Variants in LDLRAD4 observed in about 807,000 individuals in gnomAD.
LDLRAD4 encodes the protein low-density lipoprotein receptor class A domain-containing protein 4.
Under a neutral mutation model 17.0 loss-of-function variants are expected in LDLRAD4, and 5 were observed. That is an observed-to-expected ratio of 0.29 (90% CI 0.15 to 0.62). The LOEUF is 0.62. LDLRAD4 is among the 20% of genes least tolerant of loss of function. The pLI, the probability that LDLRAD4 is intolerant of heterozygous loss-of-function variation, is 0.84. For missense variants in LDLRAD4, 340 were observed against 424.7 expected, an observed-to-expected ratio of 0.80 and a Z score of 1.75; for synonymous variants, 168 against 171.8, an observed-to-expected ratio of 0.98 and a Z score of 0.17.
chr18:13,463,665 G>A (rs2092517295), intron 3 of LDLRAD4, among the ~76,000 whole-genome samples: 3 of 152,022 alleles, frequency 2.0e-5, no homozygotes. Flanking sequence ...CAGGTGACAG[G>A]GCAGTCACCC....
At chr18:13,552,094 T>G (rs1363543887) in intron 3 of LDLRAD4, among the ~76,000 whole-genome samples, 1 of 152,100 alleles carries the variant, frequency 6.6e-6, no homozygotes, top group East Asian at 1.9e-4. Context: ...AGGCCCCACT[T>G]CCAACACAGA....
chr18:13,486,673 T>G (rs1281994326), intron 3 of LDLRAD4: 1 of 152,246 alleles, frequency 6.6e-6, no homozygotes, highest in Non-Finnish European at 1.5e-5. Context: ...GTTGACTTGA[T>G]ATATACATTC....
rs185845091 is a variant in LDLRAD4, at chr18:13,347,792, C to A, written c.-382-39549C>A. ...ATTTCTTTTTATTCTTTTTTCTCTACACTTCTCTTCTTGCTTCATTTCATT... is the reference window on the plus strand; with the variant it reads ...ATTTCTTTTTATTCTTTTTTCTCTAAACTTCTCTTCTTGCTTCATTTCATT... On this transcript the variant is annotated intron_variant, in intron 1 of 5. Transcript: ENST00000359446. Among the ~76,000 whole-genome samples the A allele has an allele frequency of 2.4e-4, 37 of 152,184 alleles. 2 individuals are homozygous for A. The South Asian group carries it at 3.5e-3, about 15-fold the overall frequency.
chr18:13,298,261 G>T (rs1386168467), intron 1 of LDLRAD4, among the ~76,000 whole-genome samples: 4 of 152,264 alleles, frequency 2.6e-5, no homozygotes, highest in African/African-American at 9.6e-5. Flanking sequence ...CTGGAGGCCT[G>T]CCTGGAGCTT....
chr18:13,446,973 G>A (rs1052357330), intron 3 of LDLRAD4, among the ~76,000 whole-genome samples: 1 of 152,172 alleles, frequency 6.6e-6, no homozygotes, highest in African/African-American at 2.4e-5. Context: ...TGGGTCAGGG[G>A]TCTTCCAGGT....
chr18:13,545,746 C>G (rs115259294), intron 3 of LDLRAD4, among the ~76,000 whole-genome samples: 182 of 152,266 alleles, frequency 1.2e-3, no homozygotes, highest in African/African-American at 3.9e-3. Context: ...TTTATGACAC[C>G]AAGCATACTC....
At chr18:13,376,927 T>C (rs1332508999) in intron 1 of LDLRAD4, among the ~76,000 whole-genome samples, 1 of 152,254 alleles carries the variant, frequency 6.6e-6, no homozygotes, top group Non-Finnish European at 1.5e-5. Flanking sequence ...GTGGGGTTTG[T>C]GGCCCCATTA....
intron 1 of LDLRAD4, among the ~76,000 whole-genome samples, 160 bp from the exon 3 acceptor site, chr18:13,387,181 G>C (rs554125439): frequency 6.6e-6 from 1 of 152,176 alleles, no homozygotes; most frequent in African/African-American, 2.4e-5. Context: ...GGCCTTGGGG[G>C]CAGGTGGATC....
At chr18:13,313,066 T>G (rs7242230) in intron 1 of LDLRAD4, among the ~76,000 whole-genome samples, 55,602 of 152,030 alleles carry the variant, frequency 0.37, 10,944 homozygotes, top group African/African-American at 0.51. Context: ...GCTGTGTGGC[T>G]TGATGTTTGT....
At chr18:13,604,932 T>C (rs1601659600) in intron 3 of LDLRAD4, among the ~76,000 whole-genome samples, 1 of 152,022 alleles carries the variant, frequency 6.6e-6, no homozygotes, top group African/African-American at 2.4e-5. Flanking sequence ...CAGGAGTAGG[T>C]GCTGCTTCCA....
At chr18:13,623,017 C>G (rs1053321381) in intron 4 of LDLRAD4, among the ~76,000 whole-genome samples, 1 of 152,196 alleles carries the variant, frequency 6.6e-6, no homozygotes, top group Non-Finnish European at 1.5e-5. Flanking sequence ...TCAGGCAGCT[C>G]CTTGCTCTGT....
intron 1 of LDLRAD4, among the ~76,000 whole-genome samples, chr18:13,378,757 T>G (rs2085120623): frequency 6.6e-6 from 1 of 152,234 alleles, no homozygotes; most frequent in Non-Finnish European, 1.5e-5. Context: ...TTTGTATCCT[T>G]TCTCCTGTTT....
rs546538200 is a variant in LDLRAD4 at position 13,621,691 on chromosome 18, C to T, written c.336+420C>T. ...GGAGGTGCTGCGGGGACAAATCACG[C>T]GCTCATCGTCACTAAACGTGCCGGC... On this transcript the variant is annotated intron_variant, in intron 4 of 5. Coordinates refer to ENST00000359446, the Ensembl canonical transcript of LDLRAD4. This position sits in a 1 kb window ranked among gnomAD's most constrained non-coding sequence, Gnocchi z 5.5. 3.9e-5 allele frequency among the ~76,000 whole-genome samples: 6 copies of T among 152,298 alleles called. No individual in the cohort carries two copies. The South Asian group carries it at 6.2e-4, about 16-fold the overall frequency.
At chr18:13,231,417 C>A (rs911520483) in intron 1 of LDLRAD4, among the ~76,000 whole-genome samples, 1 of 152,132 alleles carries the variant, frequency 6.6e-6, no homozygotes, top group Non-Finnish European at 1.5e-5. Context: ...CTCCTGATTG[C>A]GGCCTGCCCG....
intron 3 of LDLRAD4, chr18:13,514,826 G>A (rs2093838574): frequency 6.6e-6 from 1 of 152,214 alleles, no homozygotes; most frequent in African/African-American, 2.4e-5. Context: ...ACATCCTGGT[G>A]CACAGGTGAG....
chr18:13,572,195 C>T (rs963055747), intron 3 of LDLRAD4, among the ~76,000 whole-genome samples: 1 of 152,226 alleles, frequency 6.6e-6, no homozygotes, highest in African/African-American at 2.4e-5. Flanking sequence ...TATCGGCAGC[C>T]TTAAGTGAGC....
At position 13,398,918 on chromosome 18, in the gene LDLRAD4, T is replaced by C. The variant is rs1186975165; in HGVS notation, c.40+11156T>C. Among the ~76,000 whole-genome samples, 1 of 152,124 alleles carries C rather than the reference T, an allele frequency of 6.6e-6. No individual in the cohort carries two copies. Among genetic ancestry groups the C allele is most frequent in the East Asian group, 1.9e-4 (1 of 5,186 alleles). The stretch of plus-strand genomic sequence containing the variant: ...CATGGAGTATGCTCGTGCGCAGAGA[T>C]GCAGCCACCCAGATCTTCATCTTTG... On this transcript the variant is annotated intron_variant, in intron 2 of 5. Transcript: ENST00000359446. This position sits in a 1 kb window ranked among gnomAD's most constrained non-coding sequence, Gnocchi z 4.8.
rs1599826190 is a variant in LDLRAD4 at position 13,383,901 on chromosome 18, A to G, written c.-382-3440A>G. 2.6e-5 allele frequency among the ~76,000 whole-genome samples: 4 copies of G among 152,202 alleles called. No individual in the cohort carries two copies. The South Asian group carries it at 8.3e-4, about 32-fold the overall frequency. On this transcript the variant is annotated intron_variant, in intron 1 of 5. Transcript: ENST00000359446. ...GCTAATCTTTGTTGCTAGCAGTGAGAAAGAAGACTTTTTACAGCATTTATA... is the reference window on the plus strand; with the variant it reads ...GCTAATCTTTGTTGCTAGCAGTGAGGAAGAAGACTTTTTACAGCATTTATA...
intron 1 of LDLRAD4, among the ~76,000 whole-genome samples, chr18:13,237,362 C>T (rs917828146): frequency 5.3e-5 from 8 of 152,224 alleles, no homozygotes; most frequent in Non-Finnish European, 8.8e-5. Flanking sequence ...ATGTGGCTCT[C>T]TGAGGCCACC....
Sources: gnomAD v4.1 joint callset for allele counts (sites outside exome capture counted in the v4.1 genomes callset) on GRCh38, gnomAD v4.1.1 for gene constraint, Gnocchi (gnomAD v3.1) non-coding constraint, MANE v1.5 for transcripts, NCBI Gene and HGNC (gene_info 2026-07-23, HGNC 2026-07-21) for gene names.